The following GRIK2 variants were observed in gnomAD, a reference collection of about 807,000 sequenced individuals.
GRIK2 encodes glutamate receptor ionotropic, kainate 2.
Under a neutral mutation model 100.3 loss-of-function variants are expected in GRIK2, and 32 were observed. The observed-to-expected ratio is 0.32, with a 90% CI of 0.24 to 0.43. GRIK2 has a LOEUF of 0.43. Among genes scored for constraint, GRIK2 ranks in the 20% least tolerant of loss-of-function variants. GRIK2 has a pLI of 1.00. For missense variants in GRIK2, 843 were observed against 1,114.9 expected, an observed-to-expected ratio of 0.76 and a Z score of 3.47; for synonymous variants, 417 against 389.4, an observed-to-expected ratio of 1.07 and a Z score of -0.83.
At chr6:101,966,282 T>C (rs529396795) in intron 14 of GRIK2, among the ~76,000 whole-genome samples, 27 of 152,152 alleles carry the variant, frequency 1.8e-4, no homozygotes, top group Non-Finnish European at 3.4e-4. Context: ...CAACAGATAA[T>C]TGCATTATAG....
At chr6:101,728,890 C>A (rs774388550) in intron 7 of GRIK2, among the ~76,000 whole-genome samples, 1 of 152,020 alleles carries the variant, frequency 6.6e-6, no homozygotes, top group African/African-American at 2.4e-5. Context: ...TATGCAGTTT[C>A]CTGCCTTGAA....
At chr6:101,936,533 A>G (rs1342438640) in intron 14 of GRIK2, among the ~76,000 whole-genome samples, 1 of 152,050 alleles carries the variant, frequency 6.6e-6, no homozygotes, top group Non-Finnish European at 1.5e-5. Context: ...TAAGGAAGTT[A>G]TTTTTACTCC....
intron 7 of GRIK2, among the ~76,000 whole-genome samples, chr6:101,762,073 C>CCCTCCCTTCCTTTCCTTCCTT (rs1330763503): frequency 3.9e-5 from 5 of 129,482 alleles, no homozygotes; most frequent in African/African-American, 6.4e-5. Flanking sequence ...CTTTCCTTTC[C>CCCTCCCTTCCTTTCCTTCCTT]CCTCCCTTCC....
In GRIK2 at chr6:101,474,021, T is replaced by A. The variant is rs1396506343; in HGVS notation, c.115+74629T>A. 4.6e-5 allele frequency among the ~76,000 whole-genome samples: 7 copies of A among 151,850 alleles called. 1 individual carries two copies. The highest frequency in any genetic ancestry group is 6.6e-5 in the Admixed American group (1 of 15,210). On this transcript the variant is annotated intron_variant, in intron 2 of 16. Coordinates refer to ENST00000369134, the MANE Select transcript of GRIK2 (RefSeq NM_021956.5). ...ACATGTCTCATTACCTAGTTCTTTTTAAGCCTCCTCTCCCATACACTGACC... is the reference window on the plus strand; with the variant it reads ...ACATGTCTCATTACCTAGTTCTTTTAAAGCCTCCTCTCCCATACACTGACC...
chr6:101,725,224 C>T (rs1393579738), intron 7 of GRIK2, among the ~76,000 whole-genome samples: 1 of 151,956 alleles, frequency 6.6e-6, no homozygotes, highest in Admixed American at 6.6e-5. Context: ...GTTCTTGTAC[C>T]TTTTACCAAA....
intron 7 of GRIK2, among the ~76,000 whole-genome samples, chr6:101,796,102 A>T (rs902552627): frequency 1.3e-5 from 2 of 152,174 alleles, no homozygotes; most frequent in Non-Finnish European, 1.5e-5. Context: ...AGAGAAAAGG[A>T]TATAAACTTT....
At chr6:101,871,093 A>T (rs1785386033) in intron 11 of GRIK2, among the ~76,000 whole-genome samples, 1 of 151,936 alleles carries the variant, frequency 6.6e-6, no homozygotes, top group African/African-American at 2.4e-5. Flanking sequence ...CAGAAAGGAA[A>T]TATAGTACAT....
intron 2 of GRIK2, among the ~76,000 whole-genome samples, chr6:101,437,556 A>G (rs1343746525): frequency 6.6e-6 from 1 of 152,138 alleles, no homozygotes; most frequent in Admixed American, 6.6e-5. Flanking sequence ...TTGTAATTTC[A>G]CAAGACATTT....
chr6:101,944,619 T>C (rs544084035), intron 14 of GRIK2, among the ~76,000 whole-genome samples: 2 of 152,184 alleles, frequency 1.3e-5, no homozygotes, highest in Non-Finnish European at 2.9e-5. Flanking sequence ...ATAAAAATAA[T>C]AGTTTGTTTT....
chr6:101,769,933 G>A (rs1476803112), intron 7 of GRIK2, among the ~76,000 whole-genome samples: 2 of 152,164 alleles, frequency 1.3e-5, no homozygotes, highest in Admixed American at 6.5e-5. Flanking sequence ...TCGCCAGTCC[G>A]AGGTTAGACA....
At chr6:101,624,208 G>T (rs959281266) in intron 3 of GRIK2, among the ~76,000 whole-genome samples, 1 of 151,912 alleles carries the variant, frequency 6.6e-6, no homozygotes, top group Non-Finnish European at 1.5e-5. Flanking sequence ...CTCTAATCTT[G>T]CTTGAAACAC....
intron 15 of GRIK2, among the ~76,000 whole-genome samples, chr6:102,054,521 T>A (rs868647537): frequency 7.2e-5 from 11 of 152,144 alleles, no homozygotes; most frequent in African/African-American, 2.4e-4. Context: ...TCAATATTTT[T>A]ATATGTTTCT....
At chr6:101,905,631 G>GT (rs1261720217) in intron 12 of GRIK2, among the ~76,000 whole-genome samples, 1 of 151,272 alleles carries the variant, frequency 6.6e-6, no homozygotes, top group Admixed American at 6.6e-5. Flanking sequence ...TAATGCACTT[G>GT]TTTTTTTATT....
chr6:101,903,917 A>G (rs1333147425), intron 12 of GRIK2, among the ~76,000 whole-genome samples: 1 of 151,600 alleles, frequency 6.6e-6, no homozygotes, highest in Non-Finnish European at 1.5e-5. Context: ...AAATATCTCT[A>G]TGATCAAATA....
intron 2 of GRIK2, among the ~76,000 whole-genome samples, chr6:101,451,355 A>C (rs1056379864): frequency 1.3e-5 from 2 of 151,672 alleles, no homozygotes; most frequent in African/African-American, 2.4e-5. Flanking sequence ...TTAACATTCT[A>C]TTATCAATTA....
intron 2 of GRIK2, among the ~76,000 whole-genome samples, chr6:101,536,283 G>T (rs1562208449): frequency 6.6e-6 from 1 of 151,546 alleles, no homozygotes; most frequent in African/African-American, 2.4e-5. Flanking sequence ...TAGATAGAAG[G>T]CTATTAAACC....
chr6:101,749,271 G>A (rs1776632290), intron 7 of GRIK2, among the ~76,000 whole-genome samples: 1 of 152,038 alleles, frequency 6.6e-6, no homozygotes, highest in African/African-American at 2.4e-5. Context: ...ACTATGCCTA[G>A]ATAATTTTTG....
intron 2 of GRIK2, among the ~76,000 whole-genome samples, chr6:101,574,684 C>CT (rs1229297807): frequency 1.3e-5 from 2 of 151,304 alleles, no homozygotes; most frequent in Non-Finnish European, 3.0e-5. Flanking sequence ...GAATGCTACT[C>CT]TAAGTATTAT....
intron 7 of GRIK2, among the ~76,000 whole-genome samples, chr6:101,762,172 C>CTG (rs1208525051): frequency 2.0e-5 from 3 of 147,234 alleles, no homozygotes; most frequent in African/African-American, 2.5e-5. Context: ...GTCTCTGTCT[C>CTG]TCTCTCTCTC....
Sources: gnomAD v4.1 joint callset for allele counts (sites outside exome capture counted in the v4.1 genomes callset) on GRCh38, gnomAD v4.1.1 for gene constraint, MANE v1.5 for transcripts, NCBI Gene and HGNC (gene_info 2026-07-23, HGNC 2026-07-21) for gene names.